C19orf38: variants seen among roughly 807,000 people sequenced by gnomAD.
C19orf38 encodes chromosome 19 open reading frame 38.
A neutral mutation model predicts 26.6 loss-of-function variants in C19orf38; 14 were observed. The observed-to-expected ratio is 0.53, with a 90% CI of 0.35 to 0.82. The LOEUF (loss-of-function observed/expected upper bound fraction) is 0.82, where lower values mean the gene tolerates loss of function less well. Among genes scored for constraint, C19orf38 ranks in the 40% least tolerant of loss-of-function variants. The pLI is 0.01. For missense variants in C19orf38, 261 were observed against 299.5 expected (o/e 0.87, Z 0.95); for synonymous variants, 132 against 128.5 (o/e 1.03, Z -0.18).
At chr19:10,860,719 T>TA (rs1251901457) in intron 5 of C19orf38, among the ~76,000 whole-genome samples, 3 of 149,408 alleles carry the variant, frequency 2.0e-5, no homozygotes, top group Admixed American at 1.3e-4. Context: ...CGGGTGCCTG[T>TA]AGTCCCAGCT....
Position 10,862,843 on chromosome 19 carries a change from A to G in C19orf38, c.506-327A>G, listed in dbSNP as rs369124028. Among the ~76,000 whole-genome samples the G allele has an allele frequency of 3.9e-5, 6 of 152,110 alleles. No individual in the cohort carries two copies. The South Asian group carries it at 8.3e-4, about 21-fold the overall frequency. On this transcript the variant is annotated intron_variant, in intron 5 of 6. Coordinates refer to ENST00000397820, the MANE Select transcript of C19orf38 (RefSeq NM_001136482.3). Reference sequence around the variant, plus strand: ...GACTCCTTCTCAAAAACAAGAAAAAAAAAATGGGTGATGGAGCAATTGGAG... The same window carrying G: ...GACTCCTTCTCAAAAACAAGAAAAAGAAAATGGGTGATGGAGCAATTGGAG...
rs1473954513 is a variant in C19orf38, at chr19:10,859,346, GTGTATATATATATATA to G, written c.462-567_462-552del. Among the ~76,000 whole-genome samples the G allele has an allele frequency of 2.0e-4, 9 of 44,100 alleles. 1 individual carries two copies. In the East Asian group the frequency reaches 3.3e-3, roughly 16 times the overall value. 28.9% of individuals were successfully genotyped at this position (44,100 alleles called of 152,430 possible). A position where few individuals can be genotyped will look rare whatever the true frequency, so the allele number is the denominator to read the frequency against. On this transcript the variant is annotated intron_variant, in intron 4 of 6. Transcript: ENST00000397820. Reference sequence around the variant, plus strand: ...TGTGTATGTATGTGTGTGTGTGTGTGTGTATATATATATATATATATATATATATATATATATATTT... The same window carrying G: ...TGTGTATGTATGTGTGTGTGTGTGTGTATATATATATATATATATATATTT...
chr19:10,862,508 A>G (rs1414954705), intron 5 of C19orf38, among the ~76,000 whole-genome samples: 1 of 151,970 alleles, frequency 6.6e-6, no homozygotes, highest in Non-Finnish European at 1.5e-5. Context: ...CCTGGCTAGA[A>G]GTGATGTTTA....
intron 6 of C19orf38, among the ~76,000 whole-genome samples, chr19:10,864,409 T>C (rs1018041917): frequency 4.0e-5 from 6 of 151,740 alleles, no homozygotes; most frequent in African/African-American, 1.5e-4. Context: ...GTGGGGAAGA[T>C]TGGGGATGAT....
chr19:10,856,256 T>G lies in C19orf38; in HGVS notation c.341-9T>G, dbSNP rs1229507320. The G allele has an allele frequency of 1.9e-6, 3 of 1,548,984 alleles. No individual in the cohort carries two copies. The Admixed American group carries it at 5.9e-5, about 30-fold the overall frequency. ...GACCTGCCCACTCTCTTTTCTGATTTTCCTCCAGTGCCCACTTGGATCTTG... is the reference window on the plus strand; with the variant it reads ...GACCTGCCCACTCTCTTTTCTGATTGTCCTCCAGTGCCCACTTGGATCTTG... On this transcript the variant is annotated splice_polypyrimidine_tract_variant and intron_variant, in intron 2 of 6. Transcript: ENST00000397820.
intron 1 of C19orf38, among the ~76,000 whole-genome samples, chr19:10,842,722 G>C (rs1336975006): frequency 6.6e-6 from 1 of 152,058 alleles, no homozygotes; most frequent in Non-Finnish European, 1.5e-5. Flanking sequence ...GTGCAACAGA[G>C]AGAGACCCTG....
chr19:10,867,610 T>G, intron 6 of C19orf38, among the ~76,000 whole-genome samples: 1 of 126,810 alleles, frequency 7.9e-6, no homozygotes, highest in Non-Finnish European at 1.6e-5. Context: ...AGAGCGAAAC[T>G]CCATCTCAGA....
rs2073623749 is a variant in C19orf38 at position 10,856,252 on chromosome 19, G to A, written c.341-13G>A. The A allele has an allele frequency of 4.5e-6, 7 of 1,548,300 alleles. No homozygotes were observed. Among genetic ancestry groups the A allele is most frequent in the Non-Finnish European group, 5.2e-6 (6 of 1,144,204 alleles). ...CACTGACCTGCCCACTCTCTTTTCT[G>A]ATTTTCCTCCAGTGCCCACTTGGAT... On this transcript the variant is annotated splice_polypyrimidine_tract_variant and intron_variant, in intron 2 of 6. Coordinates refer to ENST00000397820, the MANE Select transcript of C19orf38 (RefSeq NM_001136482.3).
At chr19:10,840,809 G>A (rs1380300036) in intron 1 of C19orf38, among the ~76,000 whole-genome samples, 3 of 152,180 alleles carry the variant, frequency 2.0e-5, no homozygotes, top group Admixed American at 6.6e-5. Flanking sequence ...AAGCCACCGC[G>A]CCCAGCCTAG....
chr19:10,842,089 A>G, intron 1 of C19orf38: 4 of 1,590,024 alleles, frequency 2.5e-6, no homozygotes, highest in South Asian at 1.1e-5. Flanking sequence ...ATGGCTCAGC[A>G]GACTCCCGTA....
upstream of C19orf38, among the ~76,000 whole-genome samples, chr19:10,845,034 G>T (rs1315913020): frequency 6.7e-6 from 1 of 150,030 alleles, no homozygotes; most frequent in Non-Finnish European, 1.5e-5. Context: ...GTGCATGCCT[G>T]TGGTCCCAGC....
chr19:10,842,560 A>T (rs2073485990), intron 1 of C19orf38, among the ~76,000 whole-genome samples: 1 of 151,914 alleles, frequency 6.6e-6, no homozygotes, highest in African/African-American at 2.4e-5. Context: ...GCGCCTGGCT[A>T]AAATAATTTT....
chr19:10,843,672 A>G (rs1047249376), upstream of C19orf38, among the ~76,000 whole-genome samples: 1 of 152,226 alleles, frequency 6.6e-6, no homozygotes, highest in African/African-American at 2.4e-5. Flanking sequence ...ATACAGCCAC[A>G]GAAGTGGCTT....
intron 1 of C19orf38, among the ~76,000 whole-genome samples, chr19:10,839,069 C>G (rs1052063138): frequency 2.0e-5 from 3 of 152,062 alleles, no homozygotes; most frequent in Non-Finnish European, 4.4e-5. Context: ...CCACGCCCAA[C>G]TAATTTTTTG....
upstream of C19orf38, among the ~76,000 whole-genome samples, chr19:10,843,700 C>A (rs1041099080): frequency 6.6e-6 from 1 of 151,958 alleles, no homozygotes; most frequent in Non-Finnish European, 1.5e-5. Context: ...TGTTTTTTTT[C>A]GCTGTCAGGT....
chr19:10,862,611 C>T (rs2073711918), intron 5 of C19orf38, among the ~76,000 whole-genome samples: 1 of 152,026 alleles, frequency 6.6e-6, no homozygotes, highest in Non-Finnish European at 1.5e-5. Context: ...AGGCAGATCT[C>T]TTGGGGCAAG....
rs1286193371 is a variant in C19orf38, at chr19:10,858,337, A to G, written c.455A>G (p.Lys152Arg). Residue 152 changes from lysine to arginine, a missense_variant, in exon 4 of 7, where the codon AAG (lysine) becomes AGG (arginine). Transcript: ENST00000397820. ...VRKVKLRNLQ[K>R]KRDRESCWAQ... ...CCAGTTAAACTCAGAAATTTACAGA[A>G]GAAAAGGTGAGATCATCCCTGGAGA... The G allele has an allele frequency of 7.7e-6, 12 of 1,549,170 alleles. No individual in the cohort carries two copies. In the Admixed American group the frequency reaches 2.4e-4, roughly 30 times the overall value.
At chr19:10,846,485 G>A (rs1486430256), upstream of C19orf38, among the ~76,000 whole-genome samples, 1 of 151,986 alleles carries the variant, frequency 6.6e-6, no homozygotes, top group African/African-American at 2.4e-5. Context: ...AGGAAAAGAA[G>A]AGCCAATTGA....
chr19:10,855,289 T>A (rs1055677941), intron 2 of C19orf38, among the ~76,000 whole-genome samples: 2 of 152,064 alleles, frequency 1.3e-5, no homozygotes, highest in Non-Finnish European at 2.9e-5. Context: ...CACCTCAGTC[T>A]CCCAAAGGGC....
Sources: allele counts gnomAD v4.1 joint callset (sites outside exome capture counted in the v4.1 genomes callset), GRCh38; gene constraint gnomAD v4.1.1; transcripts MANE v1.5; gene names NCBI Gene and HGNC (gene_info 2026-07-23, HGNC 2026-07-21).